Variants in CACNA2D3 observed in about 807,000 individuals in gnomAD.
CACNA2D3 encodes voltage-dependent calcium channel subunit alpha-2/delta-3.
A neutral mutation model predicts 160.6 loss-of-function variants in CACNA2D3; 60 were observed. The observed-to-expected ratio is 0.37, with a 90% CI of 0.30 to 0.46. CACNA2D3 has a LOEUF of 0.46. Ranked by LOEUF, CACNA2D3 falls within the 20% of genes least tolerant of loss-of-function variation. The pLI is 1.00. For synonymous variants in CACNA2D3, 558 were observed against 492.9 expected (o/e 1.13, Z -1.75); for missense variants, 1,205 against 1,365.0 (o/e 0.88, Z 1.85).
At chr3:54,549,706 C>T (rs988992833) in intron 5 of CACNA2D3, among the ~76,000 whole-genome samples, 3 of 152,164 alleles carry the variant, frequency 2.0e-5, no homozygotes, top group South Asian at 2.1e-4. Context: ...CAGCAGTATC[C>T]GTGACAGCTC....
chr3:54,429,010 T>A (rs1261553743), intron 4 of CACNA2D3, among the ~76,000 whole-genome samples: 1 of 152,228 alleles, frequency 6.6e-6, no homozygotes, highest in African/African-American at 2.4e-5. Flanking sequence ...TCAGCCCTTA[T>A]GGCTTAAAGA....
chr3:54,863,733 T>C (rs916618358), intron 17 of CACNA2D3, among the ~76,000 whole-genome samples: 4 of 151,698 alleles, frequency 2.6e-5, no homozygotes, highest in African/African-American at 4.8e-5. Context: ...AAAAAAAAAA[T>C]ACCAAAGCTG....
intron 13 of CACNA2D3, among the ~76,000 whole-genome samples, chr3:54,815,324 C>G (rs1282846319): frequency 6.6e-6 from 1 of 152,110 alleles, no homozygotes; most frequent in Non-Finnish European, 1.5e-5. Context: ...TTCTCAATAC[C>G]ATTTTGGAGA....
intron 2 of CACNA2D3, among the ~76,000 whole-genome samples, chr3:54,205,578 ATTG>A (rs1483508429): frequency 3.9e-5 from 6 of 152,236 alleles, no homozygotes; most frequent in Non-Finnish European, 8.8e-5. Flanking sequence ...GAAGTAGGGC[ATTG>A]TTGTGAGAGC....
At chr3:54,126,292 G>C (rs913801511) in intron 2 of CACNA2D3, among the ~76,000 whole-genome samples, 1 of 152,180 alleles carries the variant, frequency 6.6e-6, no homozygotes, top group Non-Finnish European at 1.5e-5. Context: ...CTATTTTAAG[G>C]TGTTTAGTGA....
intron 27 of CACNA2D3, among the ~76,000 whole-genome samples, chr3:54,946,286 C>T (rs1037299444): frequency 6.6e-6 from 1 of 152,182 alleles, no homozygotes; most frequent in Non-Finnish European, 1.5e-5. Context: ...TGAGTGCCCC[C>T]TCTTATACTC....
At chr3:54,409,154 G>C (rs931600254) in intron 4 of CACNA2D3, among the ~76,000 whole-genome samples, 1 of 152,142 alleles carries the variant, frequency 6.6e-6, no homozygotes, top group African/African-American at 2.4e-5. Flanking sequence ...AGTTGAACAA[G>C]TTTACTGGTG....
At chr3:54,244,559 A>G (rs1702035580) in intron 2 of CACNA2D3, among the ~76,000 whole-genome samples, 1 of 152,194 alleles carries the variant, frequency 6.6e-6, no homozygotes, top group Admixed American at 6.5e-5. Flanking sequence ...TGCCTGGCTC[A>G]TAGGTAAGGG....
intron 27 of CACNA2D3, among the ~76,000 whole-genome samples, chr3:54,937,233 A>G (rs1328789679): frequency 1.3e-5 from 2 of 152,230 alleles, no homozygotes; most frequent in African/African-American, 4.8e-5. Flanking sequence ...CCTACCTGCA[A>G]AGCTCTGTGT....
At chr3:54,320,118 GA>G (rs1374599618) in intron 2 of CACNA2D3, among the ~76,000 whole-genome samples, 23 of 152,280 alleles carry the variant, frequency 1.5e-4, no homozygotes, top group Admixed American at 3.9e-4. Context: ...GCTTTTAAAT[GA>G]AAAATTGTCT....
chr3:54,909,884 C>T (rs1296188171), intron 27 of CACNA2D3, among the ~76,000 whole-genome samples: 1 of 151,912 alleles, frequency 6.6e-6, no homozygotes, highest in African/African-American at 2.4e-5. Flanking sequence ...CCAGTGTGGC[C>T]CACGGAAGCC....
At chr3:54,703,542 C>T (rs56112781) in intron 11 of CACNA2D3, among the ~76,000 whole-genome samples, 25,377 of 152,108 alleles carry the variant, frequency 0.17, 2,400 homozygotes, top group Non-Finnish European at 0.21. Context: ...TCTTGCTCAG[C>T]GCTGGCCACA....
intron 2 of CACNA2D3, among the ~76,000 whole-genome samples, chr3:54,241,463 A>G (rs1016390248): frequency 6.6e-6 from 1 of 152,236 alleles, no homozygotes; most frequent in African/African-American, 2.4e-5. Flanking sequence ...TCCACAGTCT[A>G]AGAAAGCCTA....
At chr3:55,004,048 A>G (rs923890959) in intron 31 of CACNA2D3, among the ~76,000 whole-genome samples, 1 of 152,206 alleles carries the variant, frequency 6.6e-6, no homozygotes, top group Non-Finnish European at 1.5e-5. Context: ...TTGATGGGGG[A>G]ATTAAAATAC....
chr3:54,878,255 G>A (rs898719519), intron 18 of CACNA2D3, among the ~76,000 whole-genome samples: 2 of 152,172 alleles, frequency 1.3e-5, no homozygotes, highest in African/African-American at 2.4e-5. Flanking sequence ...GCATGTCAGC[G>A]TTTGCTCCTA....
intron 31 of CACNA2D3, among the ~76,000 whole-genome samples, chr3:54,999,139 C>T (rs1019239870): frequency 1.3e-5 from 2 of 152,192 alleles, no homozygotes; most frequent in Non-Finnish European, 2.9e-5. Flanking sequence ...GTTAGAGACA[C>T]TGCACCAATC....
intron 4 of CACNA2D3, among the ~76,000 whole-genome samples, chr3:54,473,227 C>T (rs768468627): frequency 5.3e-5 from 8 of 152,094 alleles, no homozygotes; most frequent in African/African-American, 1.7e-4. Context: ...GAAATAATGC[C>T]GCACATCTAG....
intron 35 of CACNA2D3, among the ~76,000 whole-genome samples, chr3:55,051,307 A>T (rs1423790546): frequency 6.6e-6 from 1 of 151,964 alleles, no homozygotes; most frequent in Non-Finnish European, 1.5e-5. Flanking sequence ...TCTGTTTGTT[A>T]GTTTTCCTTC....
At chr3:55,008,888 TACACACACACACACAC>T (rs4024588) in intron 33 of CACNA2D3, among the ~76,000 whole-genome samples, 5 of 142,904 alleles carry the variant, frequency 3.5e-5, no homozygotes, top group African/African-American at 1.3e-4. Flanking sequence ...CCTCCCTCTA[TACACACACACACACAC>T]ACACACACAC....
Sources: gnomAD v4.1 joint callset for allele counts (sites outside exome capture counted in the v4.1 genomes callset) on GRCh38, gnomAD v4.1.1 for gene constraint, MANE v1.5 for transcripts, NCBI Gene and HGNC (gene_info 2026-07-23, HGNC 2026-07-21) for gene names.